Variants in FBRSL1 observed in about 807,000 individuals in gnomAD.
The protein encoded by FBRSL1 is fibrosin-1-like protein.
A neutral mutation model predicts 89.6 loss-of-function variants in FBRSL1; 51 were observed. The observed-to-expected ratio is 0.57, with a 90% confidence interval of 0.45 to 0.72. The LOEUF (loss-of-function observed/expected upper bound fraction) is 0.72, where lower values mean the gene tolerates loss of function less well. Ranked by LOEUF, FBRSL1 falls within the 30% of genes least tolerant of loss-of-function variation. FBRSL1 has a pLI of 0.00. For synonymous variants in FBRSL1, 779 were observed against 681.1 expected, an observed-to-expected ratio of 1.14 and a Z score of -2.24; for missense variants, 1,618 against 1,451.8, an observed-to-expected ratio of 1.11 and a Z score of -1.86.
chr12:132,569,667 G>T (rs754427077), intron 6 of FBRSL1, among the ~76,000 whole-genome samples: 1 of 152,186 alleles, frequency 6.6e-6, no homozygotes, highest in Non-Finnish European at 1.5e-5. Context: ...ATGCGTCTTC[G>T]GGCAGGTGGG....
At chr12:132,510,228 C>T (rs1299291173) in intron 2 of FBRSL1, 4 of 1,231,838 alleles carry the variant, frequency 3.2e-6, no homozygotes, top group East Asian at 3.2e-5. Context: ...CATTCCCGAT[C>T]GCCCTTCACT....
At chr12:132,516,185 G>A (rs931538848) in intron 2 of FBRSL1, among the ~76,000 whole-genome samples, 2 of 150,282 alleles carry the variant, frequency 1.3e-5, no homozygotes, top group Admixed American at 6.6e-5. Flanking sequence ...TAGATAATCC[G>A]AATAGTCTTT....
chr12:132,542,041 C>T (rs1031992291), intron 4 of FBRSL1, among the ~76,000 whole-genome samples: 5 of 152,256 alleles, frequency 3.3e-5, no homozygotes, highest in Non-Finnish European at 2.9e-5. Flanking sequence ...CTCGGCGGCA[C>T]GTGGCTCTGT....
rs540734435 is a variant in FBRSL1, at chr12:132,584,405, C to G, written c.*627C>G. 1 of 152,280 alleles carries G rather than the reference C, an allele frequency of 6.6e-6. No individual in the cohort carries two copies. The highest frequency in any genetic ancestry group is 1.5e-5 in the Non-Finnish European group (1 of 68,036). The allele number at this position is 152,280 out of a possible 1,614,324, so 9.4% of individuals were successfully genotyped here. A position where few individuals can be genotyped will look rare whatever the true frequency, so the allele number is the denominator to read the frequency against. On this transcript the variant is annotated 3_prime_UTR_variant, in exon 19 of 19. Transcript: ENST00000680143. The stretch of plus-strand genomic sequence containing the variant: ...CTGTTGATATAAATATATGACGTTA[C>G]TAAATTCTTAATCTAGATAGACTTT...
In FBRSL1 at chr12:132,582,972, G is replaced by A; in HGVS notation, c.2203G>A (p.Asp735Asn). 7.0e-7 allele frequency: 1 copy of A among 1,420,780 alleles called. No homozygotes were observed. The highest frequency in any genetic ancestry group is 1.4e-5 in the South Asian group (1 of 69,398). The allele number at this position is 1,420,780 out of a possible 1,614,324, so 88.0% of individuals were successfully genotyped here. The change falls in exon 19 of 19, where the codon GAC becomes AAC. Residue 735 changes from aspartate (D) to asparagine (N), a missense_variant and splice_region_variant. Transcript: ENST00000680143. ...ACGGGTCCGCCCTGCCGCCCCCAGGGACCTCCTGGAGAAGACGCGCCTGCT... is the reference window on the plus strand; with the variant it reads ...ACGGGTCCGCCCTGCCGCCCCCAGGAACCTCCTGGAGAAGACGCGCCTGCT... The part of the protein sequence containing the change: ...PDNGKEEQER[D>N]LLEKTRLLSR...
At chr12:132,560,446 C>T (rs999367976) in intron 5 of FBRSL1, among the ~76,000 whole-genome samples, 1 of 151,732 alleles carries the variant, frequency 6.6e-6, no homozygotes, top group African/African-American at 2.4e-5. Context: ...GTCCCAGGCC[C>T]GGGTCAGGGC....
At chr12:132,508,931 G>T (rs954647876) in intron 2 of FBRSL1, among the ~76,000 whole-genome samples, 1 of 152,178 alleles carries the variant, frequency 6.6e-6, no homozygotes, top group Non-Finnish European at 1.5e-5. Flanking sequence ...CTTCCCCAGC[G>T]CGTGGGGCTC....
intron 3 of FBRSL1, 93 bp from the exon 4 acceptor site, chr12:132,527,860 A>T: frequency 8.2e-7 from 1 of 1,224,888 alleles, no homozygotes; most frequent in Non-Finnish European, 1.2e-6. Flanking sequence ...GGCAGGGCTA[A>T]GGGCTGAGGG....
At position 132,521,381 on chromosome 12, in the gene FBRSL1, G is replaced by GGAA. The variant is rs1434075860; in HGVS notation, c.490-4353_490-4352insGAA. 2.0e-5 allele frequency among the ~76,000 whole-genome samples: 3 copies of GGAA among 152,306 alleles called. No individual in the cohort carries two copies. In the East Asian group the frequency reaches 5.8e-4, roughly 29 times the overall value. On this transcript the variant is annotated intron_variant, in intron 2 of 18. Transcript: ENST00000680143. Reference sequence around the variant, plus strand: ...CGCGTTCCCGTCTCCTGCTGGAACTGTGGCCCAGCCCAACTAGGGGGTGTG... The same window carrying GGAA: ...CGCGTTCCCGTCTCCTGCTGGAACTGGAATGGCCCAGCCCAACTAGGGGGTGTG...
At chr12:132,582,897 G>A in intron 18 of FBRSL1, 74 bp from the exon 19 acceptor site, 1 of 1,219,838 alleles carries the variant, frequency 8.2e-7, no homozygotes, top group Non-Finnish European at 1.0e-6. Context: ...GACAAGCAAC[G>A]GGAACATCCC....
intron 4 of FBRSL1, among the ~76,000 whole-genome samples, chr12:132,529,066 C>T (rs891727868): frequency 2.6e-5 from 4 of 152,208 alleles, no homozygotes; most frequent in African/African-American, 9.7e-5. Flanking sequence ...ACATAAAACC[C>T]AGAGCTCCAT....
At chr12:132,539,527 GTGCCCACCCAGTCCTGCCCTCCAGCCCGA>G (rs1566167374) in intron 4 of FBRSL1, among the ~76,000 whole-genome samples, 20 of 27,248 alleles carry the variant, frequency 7.3e-4, no homozygotes, top group Non-Finnish European at 1.1e-3. Flanking sequence ...CTCCAGCCCC[GTGCCCACCCAGTCCTGCCCTCCAGCCCGA>G]TGCCCACCCA....
At position 132,583,129 on chromosome 12, in the gene FBRSL1, C is replaced by A; in HGVS notation, c.2360C>A (p.Ser787Tyr). 6.8e-7 allele frequency: 1 copy of A among 1,462,480 alleles called. No individual in the cohort carries two copies. The highest frequency in any genetic ancestry group is 9.0e-7 in the Non-Finnish European group (1 of 1,111,426). The allele number at this position is 1,462,480 out of a possible 1,614,324, so 90.6% of individuals were successfully genotyped here. ...EAEPRVKESR[S>Y]PAKEEAAKMP... is the part of the protein sequence containing the mutation. ...GAACCTCGGGTCAAGGAGAGCCGCT[C>A]CCCGGCCAAGGAGGAGGCCGCCAAG... The change falls in exon 19 of 19, where the codon TCC (serine) becomes TAC (tyrosine). Residue 787 changes from serine (S) to tyrosine (Y), a missense_variant. By Grantham distance (144) the Ser-to-Tyr change is moderately radical. Transcript: ENST00000680143.
intron 5 of FBRSL1, among the ~76,000 whole-genome samples, chr12:132,550,124 G>A (rs1422559900): frequency 6.6e-6 from 1 of 151,912 alleles, no homozygotes; most frequent in Non-Finnish European, 1.5e-5. Flanking sequence ...CCGGCAGGGC[G>A]AGTTTGGCAT....
chr12:132,490,474 C>T lies in FBRSL1; in HGVS notation c.-97C>T. The T allele has an allele frequency of 1.1e-6, 1 of 876,920 alleles. No individual in the cohort carries two copies. The highest frequency in any genetic ancestry group is 1.4e-6 in the Non-Finnish European group (1 of 736,026). 54.3% of individuals were successfully genotyped at this position (876,920 alleles called of 1,614,324 possible). A position where few individuals can be genotyped will look rare whatever the true frequency, so the allele number is the denominator to read the frequency against. The stretch of plus-strand genomic sequence containing the variant: ...AGGGCCCGAGCCCGCGCGGCGCACA[C>T]TCAGCCCGGCGGCGCCGCGTAGCCG... On this transcript the variant is annotated 5_prime_UTR_variant, in exon 1 of 19. Coordinates refer to ENST00000680143, the MANE Select transcript of FBRSL1 (RefSeq NM_001367871.1).
chr12:132,570,487 C>T lies in FBRSL1; in HGVS notation c.1160C>T (p.Pro387Leu), dbSNP rs2039934507. 6.5e-6 allele frequency: 10 copies of T among 1,529,712 alleles called. No individual in the cohort carries two copies. The highest frequency in any genetic ancestry group is 5.2e-6 in the Non-Finnish European group (6 of 1,143,610). 94.8% of individuals were successfully genotyped at this position (1,529,712 alleles called of 1,614,324 possible). A position where few individuals can be genotyped will look rare whatever the true frequency, so the allele number is the denominator to read the frequency against. Residue 387 changes from proline to leucine, a missense_variant, in exon 8 of 19, where the codon CCC (proline) becomes CTC (leucine). Transcript: ENST00000680143. ...AAMFAAPPTL[P>L]PPPALPASSL... ...ATGTTTGCCGCACCCCCGACACTGCCCCCGCCCCCGGCGCTGCCGGCCAGC... is the reference window on the plus strand; with the variant it reads ...ATGTTTGCCGCACCCCCGACACTGCTCCCGCCCCCGGCGCTGCCGGCCAGC...
At position 132,570,276 on chromosome 12, in the gene FBRSL1, C is replaced by T. The variant is rs866909316; in HGVS notation, c.1007+35C>T. ...CCGCGGGGGACGGGGCCTGTGTGGT[C>T]TCAGGATGGGGGCTCTGCAGGGGTC... On this transcript the variant is annotated intron_variant, in intron 7 of 18. Transcript: ENST00000680143. 1.2e-5 allele frequency: 18 copies of T among 1,505,520 alleles called. No individual in the cohort carries two copies. The African/African-American group carries it at 1.7e-4, about 14-fold the overall frequency. 93.3% of individuals were successfully genotyped at this position (1,505,520 alleles called of 1,614,324 possible).
rs2039237890 is a variant in FBRSL1, at chr12:132,562,721, G to A, written c.646-4760G>A. Among the ~76,000 whole-genome samples, 3 of 152,136 alleles carry A rather than the reference G, an allele frequency of 2.0e-5. No individual in the cohort carries two copies. The South Asian group carries it at 6.2e-4, about 31-fold the overall frequency. Reference sequence around the variant, plus strand: ...TCCGAGGGGCCCACCTTCCTCCAGTGCAGGGGCCCTTCCGGCGCGTGTGGG... The same window carrying A: ...TCCGAGGGGCCCACCTTCCTCCAGTACAGGGGCCCTTCCGGCGCGTGTGGG... On this transcript the variant is annotated intron_variant, in intron 5 of 18. Transcript: ENST00000680143.
chr12:132,511,672 C>T, intron 2 of FBRSL1: 1 of 985,464 alleles, frequency 1.0e-6, no homozygotes, highest in Non-Finnish European at 1.2e-6. Context: ...GCTGGGCTGC[C>T]TCAGGTGTCA....
Sources: allele counts gnomAD v4.1 joint callset (sites outside exome capture counted in the v4.1 genomes callset), GRCh38; gene constraint gnomAD v4.1.1; transcripts MANE v1.5; gene names NCBI Gene and HGNC (gene_info 2026-07-23, HGNC 2026-07-21).